The following GTF2IRD2 variants were observed in gnomAD, a reference collection of about 807,000 sequenced individuals.
The protein encoded by GTF2IRD2 is general transcription factor II-I repeat domain-containing protein 2A.
In GTF2IRD2, 8 loss-of-function variants were observed where a neutral mutation model predicts 49.2. The observed-to-expected ratio is 0.16, with a 90% CI of 0.10 to 0.29. The LOEUF (loss-of-function observed/expected upper bound fraction) is 0.29. Among genes scored for constraint, GTF2IRD2 ranks in the 10% least tolerant of loss-of-function variants. The pLI, the probability that GTF2IRD2 is intolerant of heterozygous loss-of-function variation, is 1.00. For synonymous variants in GTF2IRD2, 47 were observed against 289.7 expected (o/e 0.16, Z 8.51); for missense variants, 130 against 725.7 (o/e 0.18, Z 9.43).
chr7:74,799,092 C>T (rs1428548162), intron 15 of GTF2IRD2: 9 of 126,772 alleles, frequency 7.1e-5, no homozygotes, highest in Non-Finnish European at 1.3e-4. Context: ...GCGATCCACC[C>T]GCCTTGGCCT....
intron 3 of GTF2IRD2, among the ~76,000 whole-genome samples, chr7:74,830,347 T>C (rs1426017247): frequency 6.9e-6 from 1 of 144,780 alleles, no homozygotes; most frequent in Non-Finnish European, 1.5e-5. Flanking sequence ...TACTAAAAAA[T>C]ACAAAAATTA....
At chr7:74,800,359 C>T (rs1649817368) in intron 15 of GTF2IRD2, among the ~76,000 whole-genome samples, 2 of 137,088 alleles carry the variant, frequency 1.5e-5, no homozygotes, top group Admixed American at 1.5e-4. Context: ...ATTATAGGCA[C>T]GCGCCACCAT....
chr7:74,842,231 C>CT lies in GTF2IRD2; in HGVS notation c.-5-5849dup, dbSNP rs71267867. On this transcript the variant is annotated intron_variant, in intron 1 of 15. Coordinates refer to ENST00000451013, the MANE Select transcript of GTF2IRD2 (RefSeq NM_173537.5). Reference sequence around the variant, plus strand: ...AGTACACTTTATTTTTTTTAATTTTCTTTTTTTTTTTTTTTTGAGATGGGG... The same window carrying CT: ...AGTACACTTTATTTTTTTTAATTTTCTTTTTTTTTTTTTTTTTGAGATGGGG... Among the ~76,000 whole-genome samples the CT allele has an allele frequency of 6.0e-3, 731 of 121,886 alleles. 34 individuals carry two copies. The highest frequency in any genetic ancestry group is 6.7e-3 in the Non-Finnish European group (397 of 58,896). The allele number at this position is 121,886 out of a possible 152,430, so 80.0% of individuals were successfully genotyped here.
intron 12 of GTF2IRD2, among the ~76,000 whole-genome samples, chr7:74,806,106 CTTTA>C (rs1797719150): frequency 8.1e-6 from 1 of 124,210 alleles, no homozygotes; most frequent in African/African-American, 2.9e-5. Context: ...CACTTTAAAA[CTTTA>C]TTTACTTTTG....
At chr7:74,835,984 C>CAAAA (rs587628600) in intron 2 of GTF2IRD2, among the ~76,000 whole-genome samples, 3 of 108,840 alleles carry the variant, frequency 2.8e-5, no homozygotes, top group Non-Finnish European at 5.2e-5. Flanking sequence ...GACTCTGTCT[C>CAAAA]AAAAAAAAAA....
In GTF2IRD2 at chr7:74,851,203, G is replaced by A. The variant is rs1801565637; in HGVS notation, c.-6+164C>T. On this transcript the variant is annotated intron_variant, in intron 1 of 15. Transcript: ENST00000451013. ...TCACACCTCTGGTCCTGCCAGCAGG[G>A]ATCGGGGTTCGGGGGTGCCTCGCCT... 5.0e-5 allele frequency among the ~76,000 whole-genome samples: 2 copies of A among 39,952 alleles called. 1 individual carries two copies. The highest frequency in any genetic ancestry group is 8.4e-5 in the Non-Finnish European group (2 of 23,918). The allele number at this position is 39,952 out of a possible 152,430, so 26.2% of individuals were successfully genotyped here. A position where few individuals can be genotyped will look rare whatever the true frequency, so the allele number is the denominator to read the frequency against.
rs71288130 is a variant in GTF2IRD2 at position 74,829,396 on chromosome 7, C to CA, written c.238+3408dup. 7.1e-3 allele frequency among the ~76,000 whole-genome samples: 144 copies of CA among 20,322 alleles called. 3 individuals carry two copies. Among genetic ancestry groups the CA allele is most frequent in the Middle Eastern group, 0.066 (5 of 76 alleles). 13.3% of individuals were successfully genotyped at this position (20,322 alleles called of 152,430 possible). On this transcript the variant is annotated intron_variant, in intron 3 of 15. Transcript: ENST00000451013. Reference sequence around the variant, plus strand: ...GGCAACAGAGCAAGACTCTGTCTCTCAAAAAAAAAAAAAAAAAGAAAGAAA... The same window carrying CA: ...GGCAACAGAGCAAGACTCTGTCTCTCAAAAAAAAAAAAAAAAAAGAAAGAAA...
chr7:74,825,439 A>C (rs1466998037), intron 3 of GTF2IRD2, among the ~76,000 whole-genome samples: 1 of 116,024 alleles, frequency 8.6e-6, no homozygotes, highest in South Asian at 3.6e-4. Context: ...TAGAGATGGG[A>C]TCTCACTATG....
At position 74,841,098 on chromosome 7, in the gene GTF2IRD2, C is replaced by G. The variant is rs587719815; in HGVS notation, c.-5-4715G>C. Reference sequence around the variant, plus strand: ...TCCTAACCTCAGTTGATCCACACGCCTCAGCCTCCCAGAGTGCTGGGTCTA... The same window carrying G: ...TCCTAACCTCAGTTGATCCACACGCGTCAGCCTCCCAGAGTGCTGGGTCTA... On this transcript the variant is annotated intron_variant, in intron 1 of 15. Coordinates refer to ENST00000451013, the MANE Select transcript of GTF2IRD2 (RefSeq NM_173537.5). 1.1e-4 allele frequency among the ~76,000 whole-genome samples: 16 copies of G among 141,336 alleles called. 2 individuals are homozygous for G. The South Asian group carries it at 2.3e-3, about 21-fold the overall frequency. The allele number at this position is 141,336 out of a possible 152,430, so 92.7% of individuals were successfully genotyped here. A position where few individuals can be genotyped will look rare whatever the true frequency, so the allele number is the denominator to read the frequency against.
At chr7:74,841,795 A>C (rs1465370424) in intron 1 of GTF2IRD2, among the ~76,000 whole-genome samples, 2 of 142,944 alleles carry the variant, frequency 1.4e-5, no homozygotes, top group Non-Finnish European at 3.0e-5. Context: ...TGATAGCTAA[A>C]GGGTAAAAGG....
rs587763736 is a variant in GTF2IRD2 at position 74,796,481 on chromosome 7, G to A, written c.*181C>T. ...GGAGGCTGAGGCAGGAGAATCGTTC[G>A]AACCCAGGAGCTGGAAGTTGCAGTA... On this transcript the variant is annotated 3_prime_UTR_variant, in exon 16 of 16. Transcript: ENST00000451013. 9.4e-5 allele frequency: 53 copies of A among 562,216 alleles called. No individual in the cohort carries two copies. The highest frequency in any genetic ancestry group is 8.2e-4 in the South Asian group (41 of 50,082). 34.8% of individuals were successfully genotyped at this position (562,216 alleles called of 1,614,324 possible).
chr7:74,824,165 C>CAA (rs1158496675), intron 4 of GTF2IRD2, among the ~76,000 whole-genome samples: 2 of 117,070 alleles, frequency 1.7e-5, no homozygotes, highest in Non-Finnish European at 1.8e-5. Flanking sequence ...GACTCTGCCT[C>CAA]AAAAAAAAAA....
At chr7:74,839,927 A>T (rs1554421527) in intron 1 of GTF2IRD2, among the ~76,000 whole-genome samples, 1 of 96,570 alleles carries the variant, frequency 1.0e-5, no homozygotes, top group African/African-American at 4.0e-5. Flanking sequence ...TTGAACCCAG[A>T]AGGCGGAGGT....
chr7:74,826,869 C>T (rs1799445744), intron 3 of GTF2IRD2, among the ~76,000 whole-genome samples: 1 of 149,562 alleles, frequency 6.7e-6, no homozygotes, highest in Non-Finnish European at 1.5e-5. Context: ...GCACCACCGC[C>T]CCCGGCTAAC....
intron 3 of GTF2IRD2, among the ~76,000 whole-genome samples, chr7:74,825,749 T>C (rs1335524446): frequency 6.7e-6 from 1 of 149,898 alleles, no homozygotes; most frequent in African/African-American, 2.5e-5. Flanking sequence ...AAGGTTTTTG[T>C]TTTTTTTTTT....
rs1217795620 is a variant in GTF2IRD2 at position 74,796,250 on chromosome 7, G to GA, written c.*411dup. 9 of 244,954 alleles carry GA rather than the reference G, an allele frequency of 3.7e-5. No homozygotes were observed. Among genetic ancestry groups the GA allele is most frequent in the Non-Finnish European group, 6.4e-5 (8 of 125,150 alleles). The allele number at this position is 244,954 out of a possible 1,614,324, so 15.2% of individuals were successfully genotyped here. A position where few individuals can be genotyped will look rare whatever the true frequency, so the allele number is the denominator to read the frequency against. Reference sequence around the variant, plus strand: ...TCTGATTCAAAGTGGAAAAAAAACTGAAAAAAAAAAAAGTTTAAGAACTCA... The same window carrying GA: ...TCTGATTCAAAGTGGAAAAAAAACTGAAAAAAAAAAAAAGTTTAAGAACTCA... On this transcript the variant is annotated 3_prime_UTR_variant, in exon 16 of 16. Transcript: ENST00000451013.
chr7:74,813,373 A>G (rs1798271875), intron 8 of GTF2IRD2, among the ~76,000 whole-genome samples: 1 of 23,028 alleles, frequency 4.3e-5, no homozygotes, highest in Non-Finnish European at 7.5e-5. Flanking sequence ...GCGAGACTCC[A>G]TCTCAAAAAA....
chr7:74,818,156 AC>A (rs1279555987), intron 8 of GTF2IRD2, among the ~76,000 whole-genome samples: 2 of 25,978 alleles, frequency 7.7e-5, no homozygotes, highest in African/African-American at 3.5e-4. Flanking sequence ...AATGGGGTCA[AC>A]CCCATTGAAG....
intron 1 of GTF2IRD2, among the ~76,000 whole-genome samples, chr7:74,845,044 AG>A (rs1801146469): frequency 7.5e-6 from 1 of 133,104 alleles, no homozygotes; most frequent in East Asian, 2.6e-4. Context: ...GGTATAAAAC[AG>A]TTCTGTCATC....
Sources: gnomAD v4.1 joint callset for allele counts (sites outside exome capture counted in the v4.1 genomes callset) on GRCh38, gnomAD v4.1.1 for gene constraint, MANE v1.5 for transcripts, NCBI Gene and HGNC (gene_info 2026-07-23, HGNC 2026-07-21) for gene names.